Variants in GRIA1 observed in about 807,000 individuals in gnomAD.
The protein encoded by GRIA1 is glutamate receptor 1.
A neutral mutation model predicts 99.2 loss-of-function variants in GRIA1; 31 were observed. The ratio of observed to expected loss-of-function variants is 0.31; its 90% CI spans 0.23 to 0.42. The LOEUF is 0.42. Among genes scored for constraint, GRIA1 ranks in the 10% least tolerant of loss-of-function variants. The pLI, the probability that GRIA1 is intolerant of heterozygous loss-of-function variation, is 1.00. For synonymous variants in GRIA1, 438 were observed against 432.4 expected (o/e 1.01, Z -0.16); for missense variants, 782 against 1,157.5 (o/e 0.68, Z 4.71).
intron 2 of GRIA1, among the ~76,000 whole-genome samples, chr5:153,585,311 T>C (rs1763382691): frequency 7.3e-6 from 1 of 136,148 alleles, no homozygotes; most frequent in South Asian, 2.5e-4. Flanking sequence ...TTTTTTTTTT[T>C]TTTTTTTTTT....
intron 11 of GRIA1, among the ~76,000 whole-genome samples, chr5:153,716,262 C>T (rs919889354): frequency 3.3e-5 from 5 of 152,186 alleles, no homozygotes; most frequent in Non-Finnish European, 5.9e-5. Flanking sequence ...AATTCACTTG[C>T]ATGTGGGTAC....
intron 11 of GRIA1, among the ~76,000 whole-genome samples, chr5:153,712,704 T>C (rs1759401995): frequency 6.6e-6 from 1 of 152,232 alleles, no homozygotes; most frequent in South Asian, 2.1e-4. Context: ...AAACGTCATT[T>C]AGGCCACAGG....
chr5:153,621,175 T>G (rs1030140240), intron 2 of GRIA1, among the ~76,000 whole-genome samples: 1 of 152,214 alleles, frequency 6.6e-6, no homozygotes, highest in African/African-American at 2.4e-5. Flanking sequence ...GCTAAAGCTT[T>G]CTTGAGAGGC....
intron 2 of GRIA1, among the ~76,000 whole-genome samples, chr5:153,550,877 A>G (rs980976235): frequency 2.6e-5 from 4 of 152,162 alleles, no homozygotes; most frequent in African/African-American, 9.7e-5. Flanking sequence ...AAGAATTTAT[A>G]TTCTTTTTTA....
chr5:153,572,017 T>C (rs2149363672), intron 2 of GRIA1, among the ~76,000 whole-genome samples: 1 of 152,302 alleles, frequency 6.6e-6, no homozygotes, highest in Non-Finnish European at 1.5e-5. Flanking sequence ...CTGGTTACCC[T>C]TAGATAGTGT....
intron 11 of GRIA1, among the ~76,000 whole-genome samples, chr5:153,737,149 G>A (rs4533948): frequency 0.94 from 142,785 of 152,210 alleles, 67,124 homozygotes; most frequent in East Asian, 1. Context: ...AATGCATAAT[G>A]TATTATCTTA....
In GRIA1 at chr5:153,686,210, G is replaced by C. The variant is rs747511467; in HGVS notation, c.1030-15G>C. On this transcript the variant is annotated splice_polypyrimidine_tract_variant and intron_variant, in intron 7 of 15. Transcript: ENST00000285900. ...CATCTGAGTTCACTGCCCACCACTT[G>C]GTTTTGTTTTCCAGGTGCGATTTGA... 1.3e-6 allele frequency: 2 copies of C among 1,597,436 alleles called. No individual in the cohort carries two copies. Among genetic ancestry groups the C allele is most frequent in the Non-Finnish European group, 1.7e-6 (2 of 1,164,906 alleles).
rs1476325312 is a variant in GRIA1 at position 153,770,201 on chromosome 5, A to G, written c.2056A>G (p.Thr686Ala). 6.2e-6 allele frequency: 10 copies of G among 1,613,692 alleles called. No homozygotes were observed. The highest frequency in any genetic ancestry group is 8.5e-6 in the Non-Finnish European group (10 of 1,179,732). Residue 686 changes from threonine (T) to alanine (A), a missense_variant, in exon 13 of 16, where the codon ACA becomes GCA. Physicochemically the swap from Thr to Ala is moderately conservative, Grantham distance 58. This residue lies in a region of GRIA1 where 119 missense variants were observed against 326.6 expected (regional missense o/e 0.36). Transcript: ENST00000285900. ...SKIAVFEKMW[T>A]YMKSAEPSVF... ...AATTGCTGTGTTTGAGAAGATGTGG[A>G]CATACATGAAGTCAGCAGAGCCATC... is the stretch of plus-strand genomic sequence containing the variant.
At chr5:153,505,868 G>C (rs1314230329) in intron 2 of GRIA1, among the ~76,000 whole-genome samples, 2 of 152,186 alleles carry the variant, frequency 1.3e-5, no homozygotes, top group Non-Finnish European at 2.9e-5. Flanking sequence ...TGGTAGAGAA[G>C]AACACCTTTA....
intron 11 of GRIA1, among the ~76,000 whole-genome samples, chr5:153,753,189 C>T (rs1469174233): frequency 1.3e-5 from 2 of 152,184 alleles, no homozygotes; most frequent in Non-Finnish European, 2.9e-5. Flanking sequence ...CTCTAATCTA[C>T]AGAACTGTGA....
chr5:153,656,249 C>T (rs1754939118), intron 5 of GRIA1, among the ~76,000 whole-genome samples: 1 of 152,006 alleles, frequency 6.6e-6, no homozygotes, highest in Non-Finnish European at 1.5e-5. Flanking sequence ...GATAGTTTTA[C>T]TTCTTATAAA....
intron 5 of GRIA1, among the ~76,000 whole-genome samples, chr5:153,664,586 C>T (rs563737400): frequency 3.3e-5 from 5 of 152,016 alleles, no homozygotes; most frequent in Non-Finnish European, 7.4e-5. Flanking sequence ...TGGGTCCACT[C>T]ATTTTGCTCT....
At chr5:153,551,799 C>T (rs56326509) in intron 2 of GRIA1, among the ~76,000 whole-genome samples, 1 of 152,092 alleles carries the variant, frequency 6.6e-6, no homozygotes, top group South Asian at 2.1e-4. Context: ...CTTTGAACTT[C>T]TTTGAGGAGT....
At chr5:153,748,134 C>T (rs752471815) in intron 11 of GRIA1, among the ~76,000 whole-genome samples, 55 of 152,066 alleles carry the variant, frequency 3.6e-4, no homozygotes, top group Non-Finnish European at 6.0e-4. Flanking sequence ...TCAGTTGGTA[C>T]ATATGTAATT....
chr5:153,671,488 A>G (rs546801511), intron 5 of GRIA1, among the ~76,000 whole-genome samples: 117 of 152,330 alleles, frequency 7.7e-4, no homozygotes, highest in Non-Finnish European at 1.3e-3. Context: ...TATTGGGTAC[A>G]GGAACCTAGT....
intron 12 of GRIA1, among the ~76,000 whole-genome samples, chr5:153,765,873 T>G (rs980417882): frequency 6.6e-6 from 1 of 152,222 alleles, no homozygotes; most frequent in Non-Finnish European, 1.5e-5. Flanking sequence ...GTCCCCATTT[T>G]ATAGATCAGA....
intron 2 of GRIA1, among the ~76,000 whole-genome samples, chr5:153,545,491 T>C (rs914033835): frequency 6.6e-6 from 1 of 152,140 alleles, no homozygotes; most frequent in Non-Finnish European, 1.5e-5. Context: ...CATAACCTTC[T>C]ATGCATTTCA....
At position 153,527,612 on chromosome 5, in the gene GRIA1, G is replaced by A. The variant is rs574184749; in HGVS notation, c.220+33547G>A. ...GCAGGCACCCTTCAATCAGCAGAGG[G>A]CACAGGAAGAACAAATACAGAAGTC... On this transcript the variant is annotated intron_variant, in intron 2 of 15. Transcript: ENST00000285900. Among the ~76,000 whole-genome samples the A allele has an allele frequency of 1.7e-3, 253 of 152,270 alleles. 2 individuals carry two copies. Among genetic ancestry groups the A allele is most frequent in the African/African-American group, 5.6e-3 (231 of 41,556 alleles).
chr5:153,514,199 GC>G (rs1326895337), intron 2 of GRIA1, among the ~76,000 whole-genome samples: 1 of 152,186 alleles, frequency 6.6e-6, no homozygotes, highest in Non-Finnish European at 1.5e-5. Context: ...ATGTTGTGAT[GC>G]GTTTTTTACA....
Sources: gnomAD v4.1 joint callset for allele counts (sites outside exome capture counted in the v4.1 genomes callset) on GRCh38, gnomAD v4.1.1 for gene constraint, gnomAD v4.1.1 regional missense constraint, MANE v1.5 for transcripts, NCBI Gene and HGNC (gene_info 2026-07-23, HGNC 2026-07-21) for gene names.